The following DNAJC16 variants were observed in gnomAD, a reference collection of about 807,000 sequenced individuals.
DNAJC16 encodes the protein dnaJ homolog subfamily C member 16.
In DNAJC16, 76 loss-of-function variants were observed where a neutral mutation model predicts 92.7. The ratio of observed to expected loss-of-function variants is 0.82; its 90% CI spans 0.68 to 0.99. DNAJC16 has a LOEUF of 0.99. Among genes scored for constraint, DNAJC16 ranks in the 50% least tolerant of loss-of-function variants. The pLI is 0.00. For synonymous variants in DNAJC16, 328 were observed against 358.7 expected (o/e 0.91, Z 0.97); for missense variants, 869 against 942.4 (o/e 0.92, Z 1.02).
Position 15,559,748 on chromosome 1 carries a change from C to A in DNAJC16, c.1154+92C>A. ...GGGTGACTAGACATCTGCCCTGTAA[C>A]ATTGAGAACTTATTCTTCATTTAAC... is the stretch of plus-strand genomic sequence containing the variant. On this transcript the variant is annotated intron_variant, in intron 8 of 14. Coordinates refer to ENST00000375847, the MANE Select transcript of DNAJC16 (RefSeq NM_015291.4). 3 of 1,501,072 alleles carry A rather than the reference C, an allele frequency of 2.0e-6. No individual in the cohort carries two copies. In the East Asian group the frequency reaches 6.9e-5, roughly 35 times the overall value. The allele number at this position is 1,501,072 out of a possible 1,614,324, so 93.0% of individuals were successfully genotyped here. A position where few individuals can be genotyped will look rare whatever the true frequency, so the allele number is the denominator to read the frequency against.
chr1:15,530,442 C>T (rs1710627886), intron 2 of DNAJC16, among the ~76,000 whole-genome samples: 1 of 152,126 alleles, frequency 6.6e-6, no homozygotes, highest in South Asian at 2.1e-4. Context: ...GGACAAATAT[C>T]ATCAGTTTCT....
In DNAJC16 at chr1:15,563,933, CTA is replaced by C; in HGVS notation, c.1345_1346del (p.Ile449PhefsTer13). On this transcript the variant is annotated frameshift_variant, in exon 10 of 15. Transcript: ENST00000375847. LOFTEE classifies it high-confidence loss of function. ...TTTTCTCTACTTTTCTTCCAGGTGT[CTA>C]TTTTAGAAAGGCGCAACACAGCAGG... The C allele has an allele frequency of 3.7e-6, 6 of 1,605,522 alleles. No individual in the cohort carries two copies. The highest frequency in any genetic ancestry group is 5.1e-6 in the Non-Finnish European group (6 of 1,177,150).
intron 3 of DNAJC16, among the ~76,000 whole-genome samples, chr1:15,535,185 T>A (rs1404123653): frequency 1.1e-4 from 17 of 152,256 alleles, no homozygotes; most frequent in Non-Finnish European, 1.9e-4. Context: ...AGACTATAGC[T>A]ATTTGGTGTT....
At chr1:15,527,095 C>T (rs1378895514) in intron 1 of DNAJC16, 137 bp downstream of exon 1, 2 of 152,378 alleles carry the variant, frequency 1.3e-5, no homozygotes, top group African/African-American at 2.4e-5. Context: ...GGGCCGGGCC[C>T]TGGGCTCTCG....
intron 2 of DNAJC16, among the ~76,000 whole-genome samples, chr1:15,531,275 A>G (rs1038728083): frequency 1.3e-5 from 2 of 152,236 alleles, no homozygotes; most frequent in African/African-American, 2.4e-5. Flanking sequence ...GTGAACAGGT[A>G]TATTTTAGCA....
Position 15,527,628 on chromosome 1 carries a change from T to G in DNAJC16, c.-19+670T>G, listed in dbSNP as rs561131709. Among the ~76,000 whole-genome samples, 5 of 152,306 alleles carry G rather than the reference T, an allele frequency of 3.3e-5. No homozygotes were observed. In the South Asian group the frequency reaches 1.0e-3, roughly 32 times the overall value. ...CCAGTAGCTACATTGCCTTCACGTGTTTTCTAGGATATAATAGGTTGCCTT... is the reference window on the plus strand; with the variant it reads ...CCAGTAGCTACATTGCCTTCACGTGGTTTCTAGGATATAATAGGTTGCCTT... On this transcript the variant is annotated intron_variant, in intron 1 of 14. Coordinates refer to ENST00000375847, the MANE Select transcript of DNAJC16 (RefSeq NM_015291.4).
intron 14 of DNAJC16, 72 bp downstream of exon 14, chr1:15,567,341 C>G: frequency 6.7e-7 from 1 of 1,489,206 alleles, no homozygotes; most frequent in East Asian, 2.3e-5. Flanking sequence ...AAATTGCACG[C>G]TTTTCTCTTT....
At chr1:15,541,167 C>T (rs929455611) in intron 4 of DNAJC16, among the ~76,000 whole-genome samples, 10 of 152,140 alleles carry the variant, frequency 6.6e-5, no homozygotes, top group Non-Finnish European at 1.0e-4. Flanking sequence ...AAGTGATAAT[C>T]CCTCCCTTGG....
In DNAJC16 at chr1:15,548,294, TATTTATC is replaced by T; in HGVS notation, c.894_900del (p.Ser299AspfsTer7). 1 of 1,614,106 alleles carries T rather than the reference TATTTATC, an allele frequency of 6.2e-7. No homozygotes were observed. Among genetic ancestry groups the T allele is most frequent in the Non-Finnish European group, 8.5e-7 (1 of 1,179,988 alleles). Reference sequence around the variant, plus strand: ...GTTGACTGCCTTTGCATACAAAGATTATTTATCATTTGGATATGTATATGTGGGTTTG... The same window carrying T: ...GTTGACTGCCTTTGCATACAAAGATTATTTGGATATGTATATGTGGGTTTG... On this transcript the variant is annotated frameshift_variant, in exon 7 of 15. Transcript: ENST00000375847. LOFTEE classifies it high-confidence loss of function.
intron 4 of DNAJC16, chr1:15,542,247 CGTATGG>C (rs1710949196): frequency 6.6e-6 from 1 of 152,334 alleles, no homozygotes; most frequent in African/African-American, 2.4e-5. Flanking sequence ...GGCATCCTCC[CGTATGG>C]GAGAGGCGTT....
At chr1:15,535,737 A>T (rs550466271) in intron 3 of DNAJC16, among the ~76,000 whole-genome samples, 2 of 152,108 alleles carry the variant, frequency 1.3e-5, no homozygotes, top group Non-Finnish European at 2.9e-5. Context: ...CTCGAAAAGA[A>T]AAAGAATATC....
chr1:15,548,299 A>G lies in DNAJC16; in HGVS notation c.894A>G (p.Leu298=), dbSNP rs1287862883. 6.2e-7 allele frequency: 1 copy of G among 1,614,104 alleles called. No individual in the cohort carries two copies. ...CTGCCTTTGCATACAAAGATTATTT[A>G]TCATTTGGATATGTATATGTGGGTT... The part of the protein sequence containing the change: ...KLTAFAYKDY[L]SFGYVYVGLR... Residue 298 remains leucine (L), a synonymous_variant, in exon 7 of 15, where the codon TTA becomes TTG. Transcript: ENST00000375847.
At chr1:15,543,289 C>T (rs1710975548) in intron 4 of DNAJC16, among the ~76,000 whole-genome samples, 1 of 152,254 alleles carries the variant, frequency 6.6e-6, no homozygotes, top group Non-Finnish European at 1.5e-5. Flanking sequence ...AAATATGGTG[C>T]CAAGGTAGGC....
chr1:15,543,297 G>T (rs766720858), intron 4 of DNAJC16, among the ~76,000 whole-genome samples: 18 of 152,214 alleles, frequency 1.2e-4, no homozygotes, highest in Non-Finnish European at 2.4e-4. Flanking sequence ...TGCCAAGGTA[G>T]GCCGCATTCA....
intron 4 of DNAJC16, among the ~76,000 whole-genome samples, chr1:15,541,759 A>C (rs758953416): frequency 6.8e-6 from 1 of 147,234 alleles, no homozygotes; most frequent in South Asian, 2.1e-4. Flanking sequence ...TATAATGTTA[A>C]GAATTAGGCT....
At chr1:15,530,782 G>A (rs1238572074) in intron 2 of DNAJC16, among the ~76,000 whole-genome samples, 1 of 152,156 alleles carries the variant, frequency 6.6e-6, no homozygotes, top group Non-Finnish European at 1.5e-5. Flanking sequence ...CCGCTTCCTG[G>A]GTTCAAGGGA....
Position 15,536,454 on chromosome 1 carries a change from GA to G in DNAJC16, c.235-20del, listed in dbSNP as rs1204982671. On this transcript the variant is annotated intron_variant, in intron 3 of 14. Coordinates refer to ENST00000375847, the MANE Select transcript of DNAJC16 (RefSeq NM_015291.4). ...TGGATGAACCTTTTGTTGTTGTTTA[GA>G]TTTTTTTCTTCCTTTATAGATTCTT... 6.5e-6 allele frequency: 10 copies of G among 1,540,566 alleles called. No individual in the cohort carries two copies. The highest frequency in any genetic ancestry group is 8.7e-6 in the Non-Finnish European group (10 of 1,146,722).
At position 15,558,410 on chromosome 1, in the gene DNAJC16, CT is replaced by C. The variant is rs546253026; in HGVS notation, c.1024-1114del. On this transcript the variant is annotated intron_variant, in intron 7 of 14. Transcript: ENST00000375847. The stretch of plus-strand genomic sequence containing the variant: ...TTATGTTGCCCAGGCTGGTCTCGAT[CT>C]TCTAAGCTCAAGCAATCCTCCTGCT... Among the ~76,000 whole-genome samples the C allele has an allele frequency of 1.9e-3, 295 of 152,216 alleles. 2 individuals carry two copies. Among genetic ancestry groups the C allele is most frequent in the Admixed American group, 3.0e-3 (46 of 15,272 alleles).
In DNAJC16 at chr1:15,549,596, C is replaced by T. The variant is rs564187898; in HGVS notation, c.1023+1168C>T. Among the ~76,000 whole-genome samples the T allele has an allele frequency of 1.1e-4, 17 of 152,136 alleles. 1 individual carries two copies. In the South Asian group the frequency reaches 2.9e-3, roughly 26 times the overall value. ...TTGGGAGGCCGAGGCGGGCAGATCA[C>T]GAGGTCAGGAGATTGAGACCATCCT... is the stretch of plus-strand genomic sequence containing the variant. On this transcript the variant is annotated intron_variant, in intron 7 of 14. Coordinates refer to ENST00000375847, the MANE Select transcript of DNAJC16 (RefSeq NM_015291.4).
Sources: gnomAD v4.1 joint callset for allele counts (sites outside exome capture counted in the v4.1 genomes callset) on GRCh38, gnomAD v4.1.1 for gene constraint, MANE v1.5 for transcripts, NCBI Gene and HGNC (gene_info 2026-07-23, HGNC 2026-07-21) for gene names.